VPS8: variants seen among roughly 807,000 people sequenced by gnomAD.
VPS8 encodes vacuolar protein sorting-associated protein 8 homolog.
In VPS8, 129 loss-of-function variants were observed where a neutral mutation model predicts 216.4. The ratio of observed to expected loss-of-function variants is 0.60; its 90% confidence interval spans 0.52 to 0.69. The LOEUF is 0.69. VPS8 is among the 30% of genes least tolerant of loss of function. The pLI, the probability that VPS8 is intolerant of heterozygous loss-of-function variation, is 0.00. For synonymous variants in VPS8, 571 were observed against 565.4 expected (o/e 1.01, Z -0.14); for missense variants, 1,531 against 1,683.5 (o/e 0.91, Z 1.59).
Position 184,982,985 on chromosome 3 carries a change from C to T in VPS8, c.3503-27C>T, listed in dbSNP as rs766797912. 4.1e-4 allele frequency: 640 copies of T among 1,551,798 alleles called. 2 individuals are homozygous for T. The highest frequency in any genetic ancestry group is 5.3e-4 in the Non-Finnish European group (610 of 1,145,472). ...CTGAAAACTCTTATTTTAAACTAAC[C>T]TTAATGTTAATATTTTGTTATAACA... On this transcript the variant is annotated intron_variant, in intron 41 of 47. Coordinates refer to ENST00000625842, the MANE Select transcript of VPS8 (RefSeq NM_001009921.3).
At chr3:184,961,758 T>C (rs1395672072) in intron 37 of VPS8, among the ~76,000 whole-genome samples, 1 of 151,736 alleles carries the variant, frequency 6.6e-6, no homozygotes, top group Non-Finnish European at 1.5e-5. Context: ...GTTTTTGTTT[T>C]TGTTTTTTTT....
intron 3 of VPS8, among the ~76,000 whole-genome samples, chr3:184,831,734 C>T (rs1362385154): frequency 1.3e-5 from 2 of 152,162 alleles, no homozygotes; most frequent in Non-Finnish European, 2.9e-5. Context: ...TAACCAGAGA[C>T]GTTTGATTTT....
chr3:184,890,582 G>T (rs930192351), intron 22 of VPS8, among the ~76,000 whole-genome samples: 3 of 151,852 alleles, frequency 2.0e-5, no homozygotes, highest in African/African-American at 7.3e-5. Flanking sequence ...AGATAATTCA[G>T]TACCCATCAG....
At chr3:184,818,406 C>G (rs1394182829) in intron 1 of VPS8, among the ~76,000 whole-genome samples, 1 of 151,624 alleles carries the variant, frequency 6.6e-6, no homozygotes, top group African/African-American at 2.4e-5. Context: ...GCCTGTAGAC[C>G]CAGCTACTTG....
intron 37 of VPS8, among the ~76,000 whole-genome samples, chr3:184,959,362 CAG>C (rs1260174582): frequency 1.3e-5 from 2 of 152,090 alleles, no homozygotes; most frequent in Admixed American, 6.5e-5. Flanking sequence ...CTGCTACAAA[CAG>C]AGCAAATTCT....
intron 34 of VPS8, among the ~76,000 whole-genome samples, chr3:184,934,485 A>G (rs1741254774): frequency 6.6e-6 from 1 of 152,052 alleles, no homozygotes; most frequent in Non-Finnish European, 1.5e-5. Context: ...CCTTTGTTAT[A>G]CTTACTGTCA....
chr3:184,862,950 G>A lies in VPS8; in HGVS notation c.1278G>A (p.Val426=), dbSNP rs750885805. 6.2e-7 allele frequency: 1 copy of A among 1,613,940 alleles called. No homozygotes were observed. The highest frequency in any genetic ancestry group is 8.5e-7 in the Non-Finnish European group (1 of 1,179,828). Residue 426 remains valine (V), a synonymous_variant, in exon 16 of 48, where the codon GTG becomes GTA. Transcript: ENST00000625842. ...VLLDSVEKLH[V]IDRQTQEELE... ...TAGACAGCGTAGAGAAGTTGCATGT[G>A]ATTGATCGGCAAACACAAGAGGAAT...
chr3:185,039,460 C>T (rs757898259), intron 46 of VPS8, among the ~76,000 whole-genome samples: 1 of 151,548 alleles, frequency 6.6e-6, no homozygotes, highest in South Asian at 2.1e-4. Flanking sequence ...CCAGAGATCA[C>T]GTTGTTACCA....
At chr3:185,026,701 CTTTTTTTTTTT>C (rs1165255623) in intron 46 of VPS8, among the ~76,000 whole-genome samples, 10,005 of 86,348 alleles carry the variant, frequency 0.12, 946 homozygotes, top group African/African-American at 0.33. Context: ...GAGCCACTGT[CTTTTTTTTTTT>C]TTTTTTTTTT....
At chr3:184,826,866 T>C (rs1163038904) in intron 3 of VPS8, among the ~76,000 whole-genome samples, 19 of 152,208 alleles carry the variant, frequency 1.2e-4, no homozygotes, top group Admixed American at 1.1e-3. Flanking sequence ...AGTTTTGAAA[T>C]GGTGTTATTC....
intron 40 of VPS8, among the ~76,000 whole-genome samples, chr3:184,977,588 C>T (rs1749485908): frequency 6.6e-6 from 1 of 152,042 alleles, no homozygotes; most frequent in African/African-American, 2.4e-5. Context: ...ACTCTGAGGT[C>T]TTACATTTAA....
chr3:184,866,822 T>C lies in VPS8; in HGVS notation c.1396-54T>C, dbSNP rs536333542. 2.0e-5 allele frequency: 31 copies of C among 1,524,436 alleles called. No individual in the cohort carries two copies. The African/African-American group carries it at 4.2e-4, about 21-fold the overall frequency. The allele number at this position is 1,524,436 out of a possible 1,614,324, so 94.4% of individuals were successfully genotyped here. ...AATAGTGATGAAATGTTAAAAAATA[T>C]ATTAAATACAAAGGAATTTTTTTAC... On this transcript the variant is annotated intron_variant, in intron 16 of 47. Coordinates refer to ENST00000625842, the MANE Select transcript of VPS8 (RefSeq NM_001009921.3).
chr3:185,035,257 A>G (rs1758719449), intron 46 of VPS8, among the ~76,000 whole-genome samples: 1 of 152,164 alleles, frequency 6.6e-6, no homozygotes, highest in African/African-American at 2.4e-5. Flanking sequence ...AACTCATTCC[A>G]TGAAGCCAGC....
At position 185,041,303 on chromosome 3, in the gene VPS8, G is replaced by T. The variant is rs531078182; in HGVS notation, c.4057-7176G>T. 3.9e-5 allele frequency among the ~76,000 whole-genome samples: 6 copies of T among 152,148 alleles called. No homozygotes were observed. In the South Asian group the frequency reaches 1.2e-3, roughly 32 times the overall value. ...AGCTCCCATGCTAATGCAACTGAGA[G>T]CTAATGGCTGTGGGTTTTGCGCTTG... On this transcript the variant is annotated intron_variant, in intron 46 of 47. Transcript: ENST00000625842.
At chr3:184,958,125 C>T (rs1025359111) in intron 37 of VPS8, among the ~76,000 whole-genome samples, 5 of 152,068 alleles carry the variant, frequency 3.3e-5, no homozygotes, top group African/African-American at 4.8e-5. Flanking sequence ...TATTAAACGC[C>T]GGGTGGGTAA....
At chr3:184,854,083 T>G in intron 12 of VPS8, 31 bp from the exon 13 acceptor site, 1 of 1,613,150 alleles carries the variant, frequency 6.2e-7, no homozygotes, top group Non-Finnish European at 8.5e-7. Context: ...AATTCCAAGG[T>G]CAATATTGAA....
chr3:184,871,515 C>G (rs1728347941), intron 21 of VPS8, among the ~76,000 whole-genome samples: 1 of 152,092 alleles, frequency 6.6e-6, no homozygotes, highest in Non-Finnish European at 1.5e-5. Flanking sequence ...ACAGTGGTCT[C>G]TGTCACATCT....
At chr3:184,883,576 T>G (rs1043443450) in intron 21 of VPS8, among the ~76,000 whole-genome samples, 4 of 152,192 alleles carry the variant, frequency 2.6e-5, no homozygotes, top group Non-Finnish European at 1.5e-5. Context: ...ATAAATAATT[T>G]TGTCCACGGT....
chr3:184,909,950 G>A (rs551226364), intron 25 of VPS8, among the ~76,000 whole-genome samples: 7 of 151,786 alleles, frequency 4.6e-5, no homozygotes, highest in Non-Finnish European at 7.4e-5. Flanking sequence ...AATTTTCTTG[G>A]TGGGCTTGAA....
Sources: allele counts gnomAD v4.1 joint callset (sites outside exome capture counted in the v4.1 genomes callset), GRCh38; gene constraint gnomAD v4.1.1; transcripts MANE v1.5; gene names NCBI Gene and HGNC (gene_info 2026-07-23, HGNC 2026-07-21).